LBR: variants seen among roughly 807,000 people sequenced by gnomAD.
LBR encodes delta(14)-sterol reductase LBR.
Under a neutral mutation model 74.3 loss-of-function variants are expected in LBR, and 28 were observed. The ratio of observed to expected loss-of-function variants is 0.38; its 90% CI spans 0.28 to 0.52. The LOEUF is 0.52. Ranked by LOEUF, LBR falls within the 20% of genes least tolerant of loss-of-function variation. The probability of loss-of-function intolerance (pLI) is 0.89; values close to 1 mark genes in which losing one functional copy is unlikely to be tolerated. For missense variants in LBR, 717 were observed against 760.3 expected (o/e 0.94, Z 0.67); for synonymous variants, 228 against 269.3 (o/e 0.85, Z 1.50).
rs78982563 is a variant in LBR, at chr1:225,406,389, A to T, written c.1483+275T>A. ...AGCAGGCACTCAAGAGAAAAGACGTATGGTTACCAAAACGAATTAAAACAA... is the reference window on the plus strand; with the variant it reads ...AGCAGGCACTCAAGAGAAAAGACGTTTGGTTACCAAAACGAATTAAAACAA... On this transcript the variant is annotated intron_variant, in intron 11 of 13. Coordinates refer to ENST00000272163, the MANE Select transcript of LBR (RefSeq NM_002296.4). Among the ~76,000 whole-genome samples, 840 of 152,326 alleles carry T rather than the reference A, an allele frequency of 5.5e-3. 10 individuals carry two copies. The highest frequency in any genetic ancestry group is 0.042 in the East Asian group (219 of 5,190).
intron 6 of LBR, among the ~76,000 whole-genome samples, chr1:225,416,211 A>AG (rs537321098): frequency 0.079 from 11,547 of 145,750 alleles, 473 homozygotes; most frequent in South Asian, 0.13. Flanking sequence ...AAAAAAAAAA[A>AG]AAAGAGAGAG....
chr1:225,418,036 T>C lies in LBR; in HGVS notation c.785A>G (p.Tyr262Cys), dbSNP rs989833855. ...ELWETRVFGVYLLWFLIQVLF... is the reference protein window; with the variant it reads ...ELWETRVFGVCLLWFLIQVLF... ...GACTTGAATCAAAAACCACAGGAGG[T>C]AGACCCCAAATACTCTGGTTTCCCA... The change falls in exon 6 of 14, where the codon TAC (tyrosine) becomes TGC (cysteine). Residue 262 changes from tyrosine (Y) to cysteine (C), a missense_variant. Physicochemically the swap from Tyr to Cys is radical, Grantham distance 194. Coordinates refer to ENST00000272163, the MANE Select transcript of LBR (RefSeq NM_002296.4). 2.5e-6 allele frequency: 4 copies of C among 1,613,970 alleles called. No homozygotes were observed. Among genetic ancestry groups the C allele is most frequent in the African/African-American group, 2.7e-5 (2 of 74,878 alleles).
Position 225,412,456 on chromosome 1 carries a change from G to C in LBR, c.1082C>G (p.Ser361Cys), listed in dbSNP as rs61731741. The C allele has an allele frequency of 6.2e-7, 1 of 1,613,836 alleles. No homozygotes were observed. The highest frequency in any genetic ancestry group is 1.7e-5 in the Admixed American group (1 of 59,996). ...ACATGCAATTCATCACTGCTCACCAGAGCTGGCAGGCGACAGGTCATTCCG... is the reference window on the plus strand; with the variant it reads ...ACATGCAATTCATCACTGCTCACCACAGCTGGCAGGCGACAGGTCATTCCG... ...APRNDLSPAS[S>C]GNAVYDFFIG... The change falls in exon 8 of 14, where the codon TCT becomes TGT. Residue 361 changes from serine (S) to cysteine (C), a missense_variant and splice_region_variant. By Grantham distance (112) the Ser-to-Cys change is moderately radical. Transcript: ENST00000272163.
chr1:225,426,233 T>C (rs1285141229), intron 1 of LBR, among the ~76,000 whole-genome samples: 4 of 152,192 alleles, frequency 2.6e-5, no homozygotes, highest in South Asian at 4.1e-4. Flanking sequence ...CCACACACAA[T>C]TGTCAAACGT....
Position 225,415,258 on chromosome 1 carries a change from T to G in LBR, c.892+20A>C. The G allele has an allele frequency of 1.3e-6, 2 of 1,503,528 alleles. No homozygotes were observed. The highest frequency in any genetic ancestry group is 1.8e-6 in the Non-Finnish European group (2 of 1,085,886). 93.1% of individuals were successfully genotyped at this position (1,503,528 alleles called of 1,614,324 possible). On this transcript the variant is annotated intron_variant, in intron 7 of 13. Transcript: ENST00000272163. The stretch of plus-strand genomic sequence containing the variant: ...TAAGCTATCAAATCATCAATTTGAG[T>G]CTTAAAAAAAGAAAATCACCATTTA...
intron 9 of LBR, among the ~76,000 whole-genome samples, 156 bp downstream of exon 9, chr1:225,411,181 A>G (rs1158072814): frequency 6.6e-6 from 1 of 152,236 alleles, no homozygotes; most frequent in Non-Finnish European, 1.5e-5. Flanking sequence ...CCTCTGGAAA[A>G]TACTTACAAG....
At chr1:225,426,813 A>G (rs1416272186) in intron 1 of LBR, among the ~76,000 whole-genome samples, 1 of 152,168 alleles carries the variant, frequency 6.6e-6, no homozygotes, top group Non-Finnish European at 1.5e-5. Flanking sequence ...CTGGCTGTAA[A>G]GGCAGAAGCG....
rs2096093188 is a variant in LBR, at chr1:225,406,930, G to A, written c.1315-98C>T. The A allele has an allele frequency of 7.7e-6, 9 of 1,171,878 alleles. 1 individual carries two copies. The South Asian group carries it at 9.0e-5, about 12-fold the overall frequency. 72.6% of individuals were successfully genotyped at this position (1,171,878 alleles called of 1,614,324 possible). A position where few individuals can be genotyped will look rare whatever the true frequency, so the allele number is the denominator to read the frequency against. On this transcript the variant is annotated intron_variant, in intron 10 of 13. Coordinates refer to ENST00000272163, the MANE Select transcript of LBR (RefSeq NM_002296.4). The stretch of plus-strand genomic sequence containing the variant: ...CAGGCAAATGTAAAAAGTGCTATGG[G>A]CGGGTCCACAATCAACATTTTTTTG...
intron 11 of LBR, among the ~76,000 whole-genome samples, chr1:225,405,467 C>G (rs2096089597): frequency 6.6e-6 from 1 of 152,162 alleles, no homozygotes. Context: ...CCCTCATGGA[C>G]AGATTAATGT....
chr1:225,413,268 C>T (rs2096110063), intron 7 of LBR, among the ~76,000 whole-genome samples: 1 of 152,182 alleles, frequency 6.6e-6, no homozygotes, highest in South Asian at 2.1e-4. Context: ...GGACAGCAGG[C>T]GGGGACATTC....
chr1:225,421,959 G>T, intron 3 of LBR, 118 bp downstream of exon 3: 1 of 997,428 alleles, frequency 1.0e-6, no homozygotes, highest in Non-Finnish European at 1.5e-6. Context: ...AACTCCCAAA[G>T]TCATCAACTT....
chr1:225,424,234 T>A (rs776264802), intron 1 of LBR, 145 bp from the exon 2 acceptor site: 1 of 717,622 alleles, frequency 1.4e-6, no homozygotes, highest in African/African-American at 1.8e-5. Context: ...TCAATCTCAT[T>A]TGGAATCATT....
rs2096083802 is a variant in LBR at position 225,402,662 on chromosome 1, T to C, written c.*641A>G. 6.6e-6 allele frequency: 1 copy of C among 152,638 alleles called. No individual in the cohort carries two copies. Among genetic ancestry groups the C allele is most frequent in the African/African-American group, 2.4e-5 (1 of 41,448 alleles). 9.5% of individuals were successfully genotyped at this position (152,638 alleles called of 1,614,324 possible). On this transcript the variant is annotated 3_prime_UTR_variant, in exon 14 of 14. Coordinates refer to ENST00000272163, the MANE Select transcript of LBR (RefSeq NM_002296.4). Reference sequence around the variant, plus strand: ...AAATACTGTACAAAAAAATCTGAAGTCACCATATATTACAAAAAACTAAGC... The same window carrying C: ...AAATACTGTACAAAAAAATCTGAAGCCACCATATATTACAAAAAACTAAGC...
At position 225,402,367 on chromosome 1, in the gene LBR, C is replaced by G. The variant is rs1362169224; in HGVS notation, c.*936G>C. ...AAATGTTTAAATATTGATGTTACTC[C>G]AAAAATATATACTTATTCTATTTTT... is the stretch of plus-strand genomic sequence containing the variant. On this transcript the variant is annotated 3_prime_UTR_variant, in exon 14 of 14. Transcript: ENST00000272163. The G allele has an allele frequency of 6.6e-6, 1 of 152,098 alleles. No homozygotes were observed. The highest frequency in any genetic ancestry group is 1.5e-5 in the Non-Finnish European group (1 of 67,966). The allele number at this position is 152,098 out of a possible 1,614,324, so 9.4% of individuals were successfully genotyped here. A position where few individuals can be genotyped will look rare whatever the true frequency, so the allele number is the denominator to read the frequency against.
At chr1:225,427,859 CGGCCG>C (rs1357888191) in intron 1 of LBR, 90 bp downstream of exon 1, 7 of 152,354 alleles carry the variant, frequency 4.6e-5, no homozygotes, top group African/African-American at 1.7e-4. Context: ...GTCCCCGGCC[CGGCCG>C]CTGCGCCGGC....
At chr1:225,410,180 G>A in intron 10 of LBR, 111 bp downstream of exon 10, 3 of 1,531,316 alleles carry the variant, frequency 2.0e-6, no homozygotes, top group South Asian at 1.1e-5. Context: ...AGCAGCCTTG[G>A]AGGCAGGCCA....
At position 225,403,086 on chromosome 1, in the gene LBR, CCTTA is replaced by C. The variant is rs1478747256; in HGVS notation, c.*213_*216del. On this transcript the variant is annotated 3_prime_UTR_variant, in exon 14 of 14. Coordinates refer to ENST00000272163, the MANE Select transcript of LBR (RefSeq NM_002296.4). ...CCCATTAAAATGCAAATTCTCACAT[CCTTA>C]CTTGTATTTTTCCTATGTTAACTGT... 1.8e-6 allele frequency: 1 copy of C among 550,774 alleles called. No individual in the cohort carries two copies. The highest frequency in any genetic ancestry group is 3.1e-5 in the East Asian group (1 of 32,566). 34.1% of individuals were successfully genotyped at this position (550,774 alleles called of 1,614,324 possible).
In LBR at chr1:225,418,001, G is replaced by C; in HGVS notation, c.820C>G (p.Leu274Val). 6.2e-7 allele frequency: 1 copy of C among 1,614,082 alleles called. No homozygotes were observed. Among genetic ancestry groups the C allele is most frequent in the South Asian group, 1.1e-5 (1 of 91,084 alleles). The change falls in exon 6 of 14, where the codon CTA becomes GTA. Residue 274 changes from leucine (L) to valine (V), a missense_variant. Leu to Val is a conservative substitution (Grantham distance 32, BLOSUM62 1). Coordinates refer to ENST00000272163, the MANE Select transcript of LBR (RefSeq NM_002296.4). ...AAACGTACCTTTCCAATTGGCAGTA[G>C]GTAGAACAGGACTTGAATCAAAAAC... is the stretch of plus-strand genomic sequence containing the variant. ...LWFLIQVLFY[L>V]LPIGKVVEGT... is the part of the protein sequence containing the mutation.
chr1:225,411,242 C>A, intron 9 of LBR, 95 bp downstream of exon 9: 3 of 870,194 alleles, frequency 3.4e-6, no homozygotes, highest in Non-Finnish European at 6.0e-6. Context: ...TAAAAATATA[C>A]CACCCACTGC....
Sources: gnomAD v4.1 joint callset for allele counts (sites outside exome capture counted in the v4.1 genomes callset) on GRCh38, gnomAD v4.1.1 for gene constraint, MANE v1.5 for transcripts, NCBI Gene and HGNC (gene_info 2026-07-23, HGNC 2026-07-21) for gene names.